The following KCNA6 variants were observed in gnomAD, a reference collection of about 807,000 sequenced individuals.
KCNA6 encodes the protein potassium voltage-gated channel subfamily A member 6, also known as human brain potassium channel-2.
A neutral mutation model predicts 29.5 loss-of-function variants in KCNA6; 17 were observed. The ratio of observed to expected loss-of-function variants is 0.58; its 90% CI spans 0.39 to 0.86. KCNA6 has a LOEUF of 0.86. KCNA6 is among the 40% of genes least tolerant of loss of function. The pLI is 0.00. For synonymous variants in KCNA6, 296 were observed against 304.7 expected (o/e 0.97, Z 0.30); for missense variants, 450 against 703.4 (o/e 0.64, Z 4.07).
Position 4,810,741 on chromosome 12 carries a change from T to A in KCNA6, c.700T>A (p.Phe234Ile). The A allele has an allele frequency of 6.2e-7, 1 of 1,610,202 alleles. No individual in the cohort carries two copies. The highest frequency in any genetic ancestry group is 1.3e-5 in the African/African-American group (1 of 74,980). ...GGAGGATGAAGACGATTCCTACACA[T>A]TTCATCATGGCATCACCCCTGGGGA... is the stretch of plus-strand genomic sequence containing the variant. The change falls in exon 1 of 1, where the codon TTT (phenylalanine) becomes ATT (isoleucine). Residue 234 changes from phenylalanine to isoleucine, a missense_variant. Phe to Ile is a conservative substitution (Grantham distance 21, BLOSUM62 0). Around this residue, in one of 7 missense-constraint regions of KCNA6, gnomAD observed 74 missense variants for 71.5 expected, o/e 1.03. Coordinates refer to ENST00000280684, the Ensembl canonical transcript of KCNA6. The surrounding 1 kb of genome is among the most constrained non-coding windows in gnomAD (Gnocchi z 7.5).
At chr12:4,826,314 G>A in the KCNA6 span, among the ~76,000 whole-genome samples, 16 of 152,300 alleles carry the variant, frequency 1.1e-4, no homozygotes, top group Non-Finnish European at 1.9e-4. Flanking sequence ...CCTGAGGTTT[G>A]CTGTCTGCTC....
At chr12:4,819,601 AG>A in the KCNA6 span, among the ~76,000 whole-genome samples, 1 of 152,318 alleles carries the variant, frequency 6.6e-6, no homozygotes, top group East Asian at 1.9e-4. Context: ...CTCCACCTAA[AG>A]AGCATTTATG....
chr12:4,810,167 GC>G lies in KCNA6; in HGVS notation c.127del (p.Leu43TrpfsTer2). The stretch of plus-strand genomic sequence containing the variant: ...GCGGGGGCTGCTGTAGTAGCGAGCG[GC>G]TGGTGATCAATATCTCCGGGCTGCG... On this transcript the variant is annotated frameshift_variant, in exon 1 of 1. Coordinates refer to ENST00000280684, the Ensembl canonical transcript of KCNA6. LOFTEE classifies it high-confidence loss of function. This position sits in a 1 kb window ranked among gnomAD's most constrained non-coding sequence, Gnocchi z 7.5. The G allele has an allele frequency of 6.2e-7, 1 of 1,611,012 alleles. No homozygotes were observed.
chr12:4,850,189 G>C, the KCNA6 span, among the ~76,000 whole-genome samples: 1 of 152,190 alleles, frequency 6.6e-6, no homozygotes, highest in Non-Finnish European at 1.5e-5. The surrounding 1 kb of genome is among the most constrained non-coding windows in gnomAD (Gnocchi z 5.4). Context: ...AAGGAGACTC[G>C]AGAACATTCC....
chr12:4,824,991 A>T, the KCNA6 span, among the ~76,000 whole-genome samples: 1 of 152,252 alleles, frequency 6.6e-6, no homozygotes, highest in Non-Finnish European at 1.5e-5. Flanking sequence ...GCTGTGTATT[A>T]GAAAAATGTC....
chr12:4,823,341 A>G, the KCNA6 span, among the ~76,000 whole-genome samples: 1 of 152,138 alleles, frequency 6.6e-6, no homozygotes, highest in African/African-American at 2.4e-5. Flanking sequence ...TTCCAGCGGA[A>G]GGAAGAGGAA....
chr12:4,845,498 GT>G, the KCNA6 span, among the ~76,000 whole-genome samples: 2 of 152,166 alleles, frequency 1.3e-5, no homozygotes, highest in Non-Finnish European at 2.9e-5. Flanking sequence ...TACGTGCATT[GT>G]TGTGGAGGTG....
the KCNA6 span, among the ~76,000 whole-genome samples, chr12:4,831,342 T>C: frequency 4.6e-5 from 7 of 151,984 alleles, no homozygotes; most frequent in East Asian, 1.9e-4. Flanking sequence ...TCACAATAAC[T>C]CGTTATCACC....
chr12:4,817,159 A>G (rs1200211211), downstream of KCNA6, among the ~76,000 whole-genome samples: 1 of 152,018 alleles, frequency 6.6e-6, no homozygotes, highest in Non-Finnish European at 1.5e-5. Flanking sequence ...CTCCAATCCT[A>G]CCTTGTCACA....
rs368477307 is a variant in KCNA6 at position 4,810,449 on chromosome 12, G to A, written c.408G>A (p.Glu136=). 6.2e-7 allele frequency: 1 copy of A among 1,614,082 alleles called. No individual in the cohort carries two copies. The highest frequency in any genetic ancestry group is 8.5e-7 in the Non-Finnish European group (1 of 1,180,004). The change falls in exon 1 of 1, where the codon GAG becomes GAA. Residue 136 remains glutamate, a synonymous_variant. Transcript: ENST00000280684. This position sits in a 1 kb window ranked among gnomAD's most constrained non-coding sequence, Gnocchi z 7.5. The stretch of plus-strand genomic sequence containing the variant: ...ACGAGGCCCTGGCGGCCTTCCGGGA[G>A]GACGAGGGCTGCCTGCCCGAAGGTG...
chr12:4,811,292 G>T lies in KCNA6; in HGVS notation c.1251G>T (p.Val417=). 6.2e-7 allele frequency: 1 copy of T among 1,614,260 alleles called. No homozygotes were observed. Among genetic ancestry groups the T allele is most frequent in the Non-Finnish European group, 8.5e-7 (1 of 1,180,054 alleles). Residue 417 remains valine (V), a synonymous_variant, in exon 1 of 1, where the codon GTG becomes GTT. Coordinates refer to ENST00000280684, the Ensembl canonical transcript of KCNA6. This position sits in a 1 kb window ranked among gnomAD's most constrained non-coding sequence, Gnocchi z 7.1. The stretch of plus-strand genomic sequence containing the variant: ...TCCCGGATGCCTTCTGGTGGGCAGT[G>T]GTTACAATGACCACGGTAGGTTACG...
the KCNA6 span, among the ~76,000 whole-genome samples, chr12:4,840,994 G>T: frequency 2.0e-5 from 3 of 152,228 alleles, no homozygotes; most frequent in Non-Finnish European, 4.4e-5. Flanking sequence ...GAACTTTAAA[G>T]AATATTTGGT....
the KCNA6 span, among the ~76,000 whole-genome samples, chr12:4,823,244 A>T: frequency 6.6e-6 from 1 of 152,130 alleles, no homozygotes; most frequent in Non-Finnish European, 1.5e-5. Context: ...AAAAAACTAC[A>T]CAATATAGTT....
At chr12:4,824,406 TA>T in the KCNA6 span, among the ~76,000 whole-genome samples, 1 of 152,166 alleles carries the variant, frequency 6.6e-6, no homozygotes, top group East Asian at 1.9e-4. Context: ...ATGATTCAGG[TA>T]TTAAATCATC....
At chr12:4,844,498 G>A in the KCNA6 span, among the ~76,000 whole-genome samples, 1 of 152,168 alleles carries the variant, frequency 6.6e-6, no homozygotes, top group South Asian at 2.1e-4. This position sits in a 1 kb window ranked among gnomAD's most constrained non-coding sequence, Gnocchi z 4.0. Flanking sequence ...GATATTAGGG[G>A]AAGGACATGC....
chr12:4,844,283 A>G, the KCNA6 span, among the ~76,000 whole-genome samples: 1 of 152,214 alleles, frequency 6.6e-6, no homozygotes, highest in African/African-American at 2.4e-5. This position sits in a 1 kb window ranked among gnomAD's most constrained non-coding sequence, Gnocchi z 4.0. Flanking sequence ...AAATATTACT[A>G]TAACCATCTC....
chr12:4,825,800 G>C, the KCNA6 span, among the ~76,000 whole-genome samples: 1 of 152,216 alleles, frequency 6.6e-6, no homozygotes, highest in East Asian at 1.9e-4. Flanking sequence ...ACCTTGCTAG[G>C]AAATGTCCAC....
At chr12:4,837,342 A>G in the KCNA6 span, among the ~76,000 whole-genome samples, 1,486 of 152,258 alleles carry the variant, frequency 9.8e-3, 27 homozygotes, top group African/African-American at 0.033. Flanking sequence ...AAGTTTCCTG[A>G]GTTCTGTGAG....
chr12:4,846,364 T>C, the KCNA6 span, among the ~76,000 whole-genome samples: 1 of 152,134 alleles, frequency 6.6e-6, no homozygotes, highest in Non-Finnish European at 1.5e-5. Flanking sequence ...ACCGTTACTC[T>C]CCACAATATA....
Sources: gnomAD v4.1 joint callset for allele counts (sites outside exome capture counted in the v4.1 genomes callset) on GRCh38, gnomAD v4.1.1 for gene constraint, gnomAD v4.1.1 regional missense constraint, Gnocchi (gnomAD v3.1) non-coding constraint, MANE v1.5 for transcripts, NCBI Gene and HGNC (gene_info 2026-07-23, HGNC 2026-07-21) for gene names.